SOX6: variants seen among roughly 807,000 people sequenced by gnomAD.
The protein encoded by SOX6 is SRY-box transcription factor 6, also known as transcription factor SOX-6.
SOX6 carries 11 observed loss-of-function variants against 97.8 expected under a neutral mutation model. The observed-to-expected ratio is 0.11, with a 90% CI of 0.07 to 0.19. The LOEUF is 0.19. Among genes scored for constraint, SOX6 ranks in the 10% least tolerant of loss-of-function variants. SOX6 has a pLI of 1.00. For missense variants in SOX6, 810 were observed against 1,039.5 expected (o/e 0.78, Z 3.04); for synonymous variants, 360 against 371.4 (o/e 0.97, Z 0.35).
intron 9 of SOX6, among the ~76,000 whole-genome samples, chr11:16,089,973 T>A (rs915096341): frequency 6.6e-6 from 1 of 152,102 alleles, no homozygotes; most frequent in South Asian, 2.1e-4. Context: ...TCTCTCAGAA[T>A]TCCAACGTAG....
At chr11:16,098,376 G>A (rs146523113) in intron 7 of SOX6, among the ~76,000 whole-genome samples, 21 of 151,880 alleles carry the variant, frequency 1.4e-4, no homozygotes, top group South Asian at 6.2e-4. Context: ...AAATAAATGC[G>A]CATTTTACAT....
At chr11:16,636,950 C>G (rs1564854155) in intron 3 of SOX6, among the ~76,000 whole-genome samples, 1 of 152,150 alleles carries the variant, frequency 6.6e-6, no homozygotes, top group Non-Finnish European at 1.5e-5. Context: ...ATAAATTGCC[C>G]AGTCTTGGGT....
intron 3 of SOX6, among the ~76,000 whole-genome samples, chr11:16,698,225 G>C (rs1385761377): frequency 6.6e-6 from 1 of 152,142 alleles, no homozygotes; most frequent in Non-Finnish European, 1.5e-5. Flanking sequence ...ATCTTAGCTA[G>C]ATCTTCTGGG....
At chr11:16,095,934 C>A in intron 9 of SOX6, 62 bp downstream of exon 9, 1 of 1,518,820 alleles carries the variant, frequency 6.6e-7, no homozygotes, top group Non-Finnish European at 9.0e-7. Context: ...AAAAAAAAGC[C>A]TAGAGTATGA....
At chr11:16,609,034 G>C (rs1848367927) in intron 4 of SOX6, among the ~76,000 whole-genome samples, 1 of 152,140 alleles carries the variant, frequency 6.6e-6, no homozygotes, top group African/African-American at 2.4e-5. Flanking sequence ...GTCATGTGTA[G>C]GGTAGATTAT....
chr11:16,266,603 T>G (rs1022941396), intron 3 of SOX6, among the ~76,000 whole-genome samples: 1 of 151,582 alleles, frequency 6.6e-6, no homozygotes, highest in Non-Finnish European at 1.5e-5. Context: ...ATTTTAAGAT[T>G]TATAAGATAA....
At chr11:16,044,044 G>A (rs1855754848) in intron 12 of SOX6, among the ~76,000 whole-genome samples, 1 of 152,070 alleles carries the variant, frequency 6.6e-6, no homozygotes, top group Admixed American at 6.6e-5. Context: ...CACAGTCCTG[G>A]GTTTTTTTAA....
chr11:16,573,022 G>C (rs1847952464), intron 4 of SOX6, among the ~76,000 whole-genome samples: 2 of 152,036 alleles, frequency 1.3e-5, no homozygotes, highest in African/African-American at 4.8e-5. Context: ...TAAAATTTCA[G>C]TAGACAACTT....
intron 3 of SOX6, among the ~76,000 whole-genome samples, chr11:16,652,202 A>G (rs973025998): frequency 1.3e-5 from 2 of 152,182 alleles, no homozygotes; most frequent in East Asian, 1.9e-4. Flanking sequence ...CAAGCTACAG[A>G]TTCAATGCAA....
chr11:16,148,192 T>C (rs186931282), intron 6 of SOX6, among the ~76,000 whole-genome samples: 1 of 148,634 alleles, frequency 6.7e-6, no homozygotes, highest in Non-Finnish European at 1.5e-5. Context: ...TAAAGTATAT[T>C]CTGCCAATCA....
At chr11:16,400,154 T>C (rs1027126621) in intron 1 of SOX6, among the ~76,000 whole-genome samples, 4 of 151,518 alleles carry the variant, frequency 2.6e-5, no homozygotes, top group African/African-American at 9.7e-5. Context: ...AGTCAAAAAT[T>C]ACCTGCCATC....
intron 13 of SOX6, among the ~76,000 whole-genome samples, chr11:16,002,703 C>T (rs180888296): frequency 6.6e-6 from 1 of 152,210 alleles, no homozygotes; most frequent in East Asian, 1.9e-4. Flanking sequence ...GACAACTGGG[C>T]TCAGGTTCAA....
chr11:16,370,975 C>A (rs900473994), intron 1 of SOX6, among the ~76,000 whole-genome samples: 1 of 151,956 alleles, frequency 6.6e-6, no homozygotes, highest in African/African-American at 2.4e-5. Context: ...CAGAAACAAC[C>A]AAAATGATCC....
At chr11:16,712,746 T>C (rs1761789885) in intron 3 of SOX6, among the ~76,000 whole-genome samples, 2 of 152,214 alleles carry the variant, frequency 1.3e-5, no homozygotes, top group Non-Finnish European at 2.9e-5. Flanking sequence ...TTGTTCCTTA[T>C]GGCACTTACT....
At chr11:16,502,220 C>A (rs1304206066) in intron 4 of SOX6, among the ~76,000 whole-genome samples, 1 of 152,052 alleles carries the variant, frequency 6.6e-6, no homozygotes, top group Non-Finnish European at 1.5e-5. Context: ...GGACAAAAAA[C>A]CAAACACCAC....
intron 9 of SOX6, among the ~76,000 whole-genome samples, chr11:16,086,734 G>A (rs1366614411): frequency 2.6e-5 from 4 of 152,128 alleles, no homozygotes; most frequent in African/African-American, 9.7e-5. Context: ...TTTTCCTAAA[G>A]GAAAGCCACG....
chr11:16,203,319 A>G (rs1851988289), intron 4 of SOX6, among the ~76,000 whole-genome samples: 1 of 117,428 alleles, frequency 8.5e-6, no homozygotes, highest in African/African-American at 3.3e-5. Flanking sequence ...GGCAGGGAAA[A>G]AAAAGGAAGG....
intron 12 of SOX6, among the ~76,000 whole-genome samples, chr11:16,037,768 ACTGCCACCAT>A (rs1855556178): frequency 6.6e-6 from 1 of 152,158 alleles, no homozygotes; most frequent in Admixed American, 6.5e-5. Context: ...CTTTATTTAA[ACTGCCACCAT>A]CATATTCTTC....
intron 6 of SOX6, among the ~76,000 whole-genome samples, chr11:16,129,074 G>A (rs1376904519): frequency 6.8e-6 from 1 of 147,244 alleles, no homozygotes; most frequent in East Asian, 2.0e-4. Flanking sequence ...CTCCATGTTG[G>A]TCAGGCTGGT....
Sources: gnomAD v4.1 joint callset for allele counts (sites outside exome capture counted in the v4.1 genomes callset) on GRCh38, gnomAD v4.1.1 for gene constraint, MANE v1.5 for transcripts, NCBI Gene and HGNC (gene_info 2026-07-23, HGNC 2026-07-21) for gene names.